The following SEPTIN3 variants were observed in gnomAD, a reference collection of about 807,000 sequenced individuals.
SEPTIN3 encodes the protein septin 3.
SEPTIN3 carries 15 observed loss-of-function variants against 45.1 expected under a neutral mutation model. The ratio of observed to expected loss-of-function variants is 0.33; its 90% CI spans 0.22 to 0.51. The LOEUF (loss-of-function observed/expected upper bound fraction) is 0.51, where lower values mean the gene tolerates loss of function less well. Ranked by LOEUF, SEPTIN3 falls within the 20% of genes least tolerant of loss-of-function variation. The probability of loss-of-function intolerance (pLI) is 0.97; values close to 1 mark genes in which losing one functional copy is unlikely to be tolerated. For synonymous variants in SEPTIN3, 148 were observed against 164.8 expected, an observed-to-expected ratio of 0.90 and a Z score of 0.78; for missense variants, 289 against 457.2, an observed-to-expected ratio of 0.63 and a Z score of 3.35.
At chr22:41,996,274 T>G in intron 11 of SEPTIN3, 1 of 985,388 alleles carries the variant, frequency 1.0e-6, no homozygotes, top group South Asian at 4.7e-5. Flanking sequence ...ACTCTTTTCC[T>G]TTAATCTGTA....
intron 9 of SEPTIN3, among the ~76,000 whole-genome samples, chr22:41,993,064 A>G (rs573892047): frequency 2.0e-5 from 3 of 152,218 alleles, no homozygotes; most frequent in Admixed American, 6.5e-5. Flanking sequence ...GGGGGATGTG[A>G]TCTGACAAAC....
At chr22:41,975,715 C>A (rs1412812329) in intron 2 of SEPTIN3, among the ~76,000 whole-genome samples, 1 of 152,200 alleles carries the variant, frequency 6.6e-6, no homozygotes, top group Non-Finnish European at 1.5e-5. Context: ...GCCATCTCAT[C>A]CAGTCTACTT....
Position 41,994,176 on chromosome 22 carries a change from T to C in SEPTIN3, c.2360-114T>C, listed in dbSNP as rs2078378584. On this transcript the variant is annotated intron_variant, in intron 9 of 11. Coordinates refer to ENST00000644076, the MANE Select transcript of SEPTIN3 (RefSeq NM_001363845.2). The surrounding 1 kb of genome is among the most constrained non-coding windows in gnomAD (Gnocchi z 4.2). ...TCTGGAAGGGTTACAAAAAATGACCTGTCCCATAGCTTTCTCCTAAATGCC... is the reference window on the plus strand; with the variant it reads ...TCTGGAAGGGTTACAAAAAATGACCCGTCCCATAGCTTTCTCCTAAATGCC... 36 of 876,220 alleles carry C rather than the reference T, an allele frequency of 4.1e-5. No homozygotes were observed. The South Asian group carries it at 4.6e-4, about 11-fold the overall frequency. The allele number at this position is 876,220 out of a possible 1,614,324, so 54.3% of individuals were successfully genotyped here.
chr22:41,980,219 A>G (rs572417250), intron 2 of SEPTIN3, among the ~76,000 whole-genome samples: 3 of 142,254 alleles, frequency 2.1e-5, no homozygotes, highest in Admixed American at 1.4e-4. Context: ...GCTCACTGCA[A>G]CTCCGCCTTC....
At chr22:41,984,611 C>T (rs1602415889) in intron 3 of SEPTIN3, among the ~76,000 whole-genome samples, 1 of 152,188 alleles carries the variant, frequency 6.6e-6, no homozygotes, top group African/African-American at 2.4e-5. Flanking sequence ...TCCCGGCTCA[C>T]TACAGCCTCT....
Position 41,987,231 on chromosome 22 carries a change from G to A in SEPTIN3, c.1851G>A (p.Met617Ile). ...TGATAGAGGAAGGCGGTGTCAAAATGAAGCTGACCGTCATCGACACCCCAG... is the reference window on the plus strand; with the variant it reads ...TGATAGAGGAAGGCGGTGTCAAAATAAAGCTGACCGTCATCGACACCCCAG... ...GHVIEEGGVK[M>I]KLTVIDTPGF... Residue 617 changes from methionine to isoleucine, a missense_variant, in exon 5 of 12, where the codon ATG becomes ATA. Met to Ile is a conservative substitution (Grantham distance 10). Around this residue, in one of 3 missense-constraint regions of SEPTIN3, gnomAD observed 200 missense variants for 315.1 expected, o/e 0.63. Transcript: ENST00000644076. 6.2e-7 allele frequency: 1 copy of A among 1,613,802 alleles called. No individual in the cohort carries two copies. The highest frequency in any genetic ancestry group is 8.5e-7 in the Non-Finnish European group (1 of 1,179,850).
At chr22:41,995,540 C>T (rs2078417659) in intron 11 of SEPTIN3, 2 of 985,216 alleles carry the variant, frequency 2.0e-6, no homozygotes, top group African/African-American at 1.8e-5. Context: ...CTTTCTCTCC[C>T]TCTCCTGCGT....
At chr22:41,991,249 C>A (rs1463672293) in intron 7 of SEPTIN3, among the ~76,000 whole-genome samples, 1 of 152,202 alleles carries the variant, frequency 6.6e-6, no homozygotes, top group Non-Finnish European at 1.5e-5. Flanking sequence ...GGTCTGAGCA[C>A]TCCCCAGTGG....
At chr22:41,970,508 G>GT (rs1196784506) in intron 1 of SEPTIN3, among the ~76,000 whole-genome samples, 2 of 152,134 alleles carry the variant, frequency 1.3e-5, no homozygotes, top group Non-Finnish European at 2.9e-5. Context: ...CTGCCCGAGT[G>GT]GCCGTTCCCA....
intron 11 of SEPTIN3, chr22:41,996,657 A>G: frequency 7.5e-7 from 1 of 1,329,716 alleles, no homozygotes; most frequent in Non-Finnish European, 9.6e-7. Context: ...GCAGCGCTAC[A>G]GCCCAGAGGT....
In SEPTIN3 at chr22:41,996,671, A is replaced by G; in HGVS notation, c.2506-231A>G. On this transcript the variant is annotated intron_variant, in intron 11 of 11. Coordinates refer to ENST00000644076, the MANE Select transcript of SEPTIN3 (RefSeq NM_001363845.2). Reference sequence around the variant, plus strand: ...AGCAGCGCTACAGCCCAGAGGTTATACATTTCAACAGAACAGGGATCCTTG... The same window carrying G: ...AGCAGCGCTACAGCCCAGAGGTTATGCATTTCAACAGAACAGGGATCCTTG... 7 of 1,391,420 alleles carry G rather than the reference A, an allele frequency of 5.0e-6. No homozygotes were observed. The South Asian group carries it at 1.1e-4, about 22-fold the overall frequency. 86.2% of individuals were successfully genotyped at this position (1,391,420 alleles called of 1,614,324 possible). A position where few individuals can be genotyped will look rare whatever the true frequency, so the allele number is the denominator to read the frequency against.
intron 11 of SEPTIN3, chr22:41,995,415 G>A (rs911461152): frequency 2.0e-6 from 2 of 985,572 alleles, no homozygotes; most frequent in African/African-American, 3.5e-5. Context: ...GCTACCACCT[G>A]TCACCAGAGC....
chr22:41,996,426 TC>T, intron 11 of SEPTIN3: 3 of 986,728 alleles, frequency 3.0e-6, no homozygotes, highest in Non-Finnish European at 3.6e-6. Context: ...CCTCTATGAA[TC>T]CCAGCACTTA....
At chr22:41,992,827 G>C in intron 9 of SEPTIN3, 64 bp downstream of exon 9, 1 of 1,103,420 alleles carries the variant, frequency 9.1e-7, no homozygotes, top group Non-Finnish European at 1.4e-6. Context: ...CATTTATTAA[G>C]CATCTATAGG....
chr22:41,970,511 C>T (rs1481074038), intron 1 of SEPTIN3, among the ~76,000 whole-genome samples: 7 of 152,116 alleles, frequency 4.6e-5, no homozygotes, highest in South Asian at 2.1e-4. Context: ...CCCGAGTGGC[C>T]GTTCCCACCT....
At chr22:41,985,001 T>C (rs2078182214) in intron 3 of SEPTIN3, among the ~76,000 whole-genome samples, 1 of 152,052 alleles carries the variant, frequency 6.6e-6, no homozygotes, top group South Asian at 2.1e-4. Context: ...TACAGGCGCC[T>C]GCCACCACGC....
At chr22:41,983,599 G>T (rs2078156396) in intron 3 of SEPTIN3, among the ~76,000 whole-genome samples, 1 of 152,180 alleles carries the variant, frequency 6.6e-6, no homozygotes, top group Non-Finnish European at 1.5e-5. Flanking sequence ...TCACTCAGAA[G>T]AGGCAGTGCT....
chr22:41,977,464 A>G (rs1233656335), intron 2 of SEPTIN3, among the ~76,000 whole-genome samples: 1 of 152,114 alleles, frequency 6.6e-6, no homozygotes, highest in Non-Finnish European at 1.5e-5. Context: ...ACGCTGAGAC[A>G]GGCACCAGCT....
intron 7 of SEPTIN3, among the ~76,000 whole-genome samples, chr22:41,990,032 C>A (rs191314960): frequency 1.3e-5 from 2 of 150,994 alleles, no homozygotes. Context: ...GGCCACTAGT[C>A]CTCACTGGCA....
Sources: gnomAD v4.1 joint callset for allele counts (sites outside exome capture counted in the v4.1 genomes callset) on GRCh38, gnomAD v4.1.1 for gene constraint, gnomAD v4.1.1 regional missense constraint, Gnocchi (gnomAD v3.1) non-coding constraint, MANE v1.5 for transcripts, NCBI Gene and HGNC (gene_info 2026-07-23, HGNC 2026-07-21) for gene names.